THUMPD2: variants seen among roughly 807,000 people sequenced by gnomAD.
The protein encoded by THUMPD2 is U6 snRNA (guanine-N(2))-methyltransferase THUMPD2.
Under a neutral mutation model 49.4 loss-of-function variants are expected in THUMPD2, and 56 were observed. The observed-to-expected ratio is 1.13, with a 90% CI of 0.91 to 1.41. The LOEUF is 1.41. Among genes scored for constraint, THUMPD2 ranks in the 40% most tolerant of loss-of-function variants. The pLI, the probability that THUMPD2 is intolerant of heterozygous loss-of-function variation, is 0.00. For synonymous variants in THUMPD2, 237 were observed against 205.2 expected, an observed-to-expected ratio of 1.15 and a Z score of -1.32; for missense variants, 709 against 594.5, an observed-to-expected ratio of 1.19 and a Z score of -2.00.
rs112928478 is a variant in THUMPD2, at chr2:39,742,550, C to T, written c.1187+1820G>A. Among the ~76,000 whole-genome samples the T allele has an allele frequency of 2.6e-5, 4 of 152,290 alleles. No individual in the cohort carries two copies. The East Asian group carries it at 7.7e-4, about 29-fold the overall frequency. ...TGACTTGTAGAGGTGCTATAATATGCAGCATTAGATTTTCAGTTAGAGTAA... is the reference window on the plus strand; with the variant it reads ...TGACTTGTAGAGGTGCTATAATATGTAGCATTAGATTTTCAGTTAGAGTAA... On this transcript the variant is annotated intron_variant, in intron 9 of 9. Coordinates refer to ENST00000505747, the MANE Select transcript of THUMPD2 (RefSeq NM_025264.5).
intron 9 of THUMPD2, among the ~76,000 whole-genome samples, chr2:39,740,076 T>C (rs1203711617): frequency 1.3e-5 from 2 of 152,320 alleles, no homozygotes; most frequent in East Asian, 1.9e-4. Flanking sequence ...GTATTATGTA[T>C]CATTTAAACT....
intron 1 of THUMPD2, among the ~76,000 whole-genome samples, chr2:39,777,667 G>C (rs1451742859): frequency 6.6e-6 from 1 of 152,156 alleles, no homozygotes; most frequent in Non-Finnish European, 1.5e-5. Flanking sequence ...GAGATTATTT[G>C]TTCAGATCCC....
chr2:39,774,928 A>C (rs1678872459), intron 1 of THUMPD2, among the ~76,000 whole-genome samples: 1 of 152,210 alleles, frequency 6.6e-6, no homozygotes, highest in African/African-American at 2.4e-5. Flanking sequence ...AGCATATCTA[A>C]ACAGCATTTT....
At chr2:39,740,643 G>T (rs1673772155) in intron 9 of THUMPD2, among the ~76,000 whole-genome samples, 1 of 151,600 alleles carries the variant, frequency 6.6e-6, no homozygotes, top group Non-Finnish European at 1.5e-5. Flanking sequence ...TTTTAGAGAT[G>T]GGGTCACTCC....
chr2:39,767,191 C>T (rs975727833), intron 4 of THUMPD2, among the ~76,000 whole-genome samples: 1 of 152,116 alleles, frequency 6.6e-6, no homozygotes, highest in African/African-American at 2.4e-5. Context: ...CATTAAATGG[C>T]TGATAGGAAT....
In THUMPD2 at chr2:39,769,711, T is replaced by G; in HGVS notation, c.671A>C (p.Gln224Pro). The G allele has an allele frequency of 6.4e-7, 1 of 1,551,586 alleles. No homozygotes were observed. The highest frequency in any genetic ancestry group is 1.3e-5 in the South Asian group (1 of 79,204). ...CTCCACTTTAGGATGCAAGCATACC[T>G]GTGCAGTGAAGGCCTTTCCAATAGT... is the stretch of plus-strand genomic sequence containing the variant. ...SGTIGKAFTA[Q>P]EVGKVIGIAI... is the part of the protein sequence containing the mutation. Residue 224 changes from glutamine (Q) to proline (P), a missense_variant and splice_region_variant, in exon 3 of 10, where the codon CAG becomes CCG. Coordinates refer to ENST00000505747, the MANE Select transcript of THUMPD2 (RefSeq NM_025264.5).
At chr2:39,777,786 T>C (rs777186157) in intron 1 of THUMPD2, among the ~76,000 whole-genome samples, 17 of 152,254 alleles carry the variant, frequency 1.1e-4, no homozygotes, top group Admixed American at 3.3e-4. Context: ...CTGTATTTAA[T>C]TGAATTTTCT....
chr2:39,751,381 C>T (rs1198609771), intron 8 of THUMPD2, among the ~76,000 whole-genome samples: 2 of 152,310 alleles, frequency 1.3e-5, no homozygotes, highest in Non-Finnish European at 1.5e-5. Flanking sequence ...TGTTATAAAC[C>T]TACACTTAAG....
intron 9 of THUMPD2, among the ~76,000 whole-genome samples, chr2:39,740,508 GGAGA>G (rs1433153972): frequency 7.2e-5 from 11 of 152,140 alleles, no homozygotes; most frequent in African/African-American, 2.7e-4. Context: ...TTCAAATAAT[GGAGA>G]GAAAGTGAAA....
chr2:39,778,048 C>T (rs1353093902), intron 1 of THUMPD2, among the ~76,000 whole-genome samples: 5 of 152,166 alleles, frequency 3.3e-5, no homozygotes, highest in Admixed American at 2.6e-4. Context: ...TGAATCCCAT[C>T]TTTGCGATTT....
At chr2:39,742,537 G>A (rs1479795999) in intron 9 of THUMPD2, among the ~76,000 whole-genome samples, 1 of 152,164 alleles carries the variant, frequency 6.6e-6, no homozygotes, top group Admixed American at 6.6e-5. Flanking sequence ...ACTTGTAGAG[G>A]TGCTATAATA....
intron 9 of THUMPD2, among the ~76,000 whole-genome samples, chr2:39,738,610 TATAA>T (rs771300599): frequency 0.057 from 8,060 of 141,282 alleles, 374 homozygotes; most frequent in African/African-American, 0.13. Context: ...AAAATATATA[TATAA>T]TATATATTAT....
upstream of THUMPD2, chr2:39,779,264 CT>C: frequency 7.0e-7 from 1 of 1,420,650 alleles, no homozygotes; most frequent in Admixed American, 2.8e-5. Flanking sequence ...GCCCTCGCGC[CT>C]TCGGGTCACG....
intron 9 of THUMPD2, among the ~76,000 whole-genome samples, chr2:39,740,800 G>A (rs1673790586): frequency 6.6e-6 from 1 of 151,964 alleles, no homozygotes; most frequent in Non-Finnish European, 1.5e-5. Context: ...TCCAACTCCT[G>A]GGCTCAAGCG....
At chr2:39,768,309 T>C in intron 4 of THUMPD2, 115 bp downstream of exon 4, 1 of 859,314 alleles carries the variant, frequency 1.2e-6, no homozygotes, top group Non-Finnish European at 1.9e-6. Context: ...GTTGGATCCC[T>C]GTAGATACAC....
At chr2:39,748,440 C>T (rs919651960) in intron 8 of THUMPD2, among the ~76,000 whole-genome samples, 4 of 152,166 alleles carry the variant, frequency 2.6e-5, no homozygotes, top group Non-Finnish European at 5.9e-5. Context: ...CGGTGGTTCA[C>T]GCCTGTAATC....
chr2:39,771,168 G>C (rs1035838716), intron 2 of THUMPD2, among the ~76,000 whole-genome samples: 6 of 152,068 alleles, frequency 3.9e-5, no homozygotes, highest in Non-Finnish European at 7.4e-5. Flanking sequence ...ACTATTAAAA[G>C]AATGCATTTT....
In THUMPD2 at chr2:39,763,388, C is replaced by T. The variant is rs542877965; in HGVS notation, c.804-1970G>A. 4.6e-5 allele frequency among the ~76,000 whole-genome samples: 7 copies of T among 152,110 alleles called. No individual in the cohort carries two copies. In the East Asian group the frequency reaches 1.3e-3, roughly 29 times the overall value. ...TACATTTCTTCATTTTCTTGTGCCACGTACTATCCATATATTGGGTACCAT... is the reference window on the plus strand; with the variant it reads ...TACATTTCTTCATTTTCTTGTGCCATGTACTATCCATATATTGGGTACCAT... On this transcript the variant is annotated intron_variant, in intron 5 of 9. Transcript: ENST00000505747.
At chr2:39,752,794 A>T (rs571821786) in intron 8 of THUMPD2, among the ~76,000 whole-genome samples, 1 of 152,378 alleles carries the variant, frequency 6.6e-6, no homozygotes, top group African/African-American at 2.4e-5. Context: ...TCAAATGTGT[A>T]GAGTTTAAAA....
Sources: allele counts gnomAD v4.1 joint callset (sites outside exome capture counted in the v4.1 genomes callset), GRCh38; gene constraint gnomAD v4.1.1; transcripts MANE v1.5; gene names NCBI Gene and HGNC (gene_info 2026-07-23, HGNC 2026-07-21).